Variants in SLC9C1 observed in about 807,000 individuals in gnomAD.
SLC9C1 encodes solute carrier family 9 member C1, also known as sodium/hydrogen exchanger 10.
SLC9C1 carries 97 observed loss-of-function variants against 140.9 expected under a neutral mutation model. The observed-to-expected ratio is 0.69, with a 90% CI of 0.58 to 0.82. The LOEUF is 0.82. SLC9C1 is among the 40% of genes least tolerant of loss of function. The probability of loss-of-function intolerance (pLI) is 0.00; values close to 1 mark genes in which losing one functional copy is unlikely to be tolerated. For missense variants in SLC9C1, 1,340 were observed against 1,389.3 expected (o/e 0.96, Z 0.56); for synonymous variants, 440 against 442.6 (o/e 0.99, Z 0.07).
chr3:112,270,894 T>C (rs1320686685), intron 6 of SLC9C1, among the ~76,000 whole-genome samples: 1 of 152,184 alleles, frequency 6.6e-6, no homozygotes, highest in African/African-American at 2.4e-5. Flanking sequence ...TTTAATCGGG[T>C]TATTTATGTC....
At chr3:112,263,167 A>G in intron 9 of SLC9C1, 69 bp from the exon 10 acceptor site, 1 of 1,313,978 alleles carries the variant, frequency 7.6e-7, no homozygotes, top group Non-Finnish European at 1.0e-6. Context: ...ATGCTACTCT[A>G]TTCTAATCTA....
At chr3:112,174,182 TATA>T (rs1357594770) in intron 23 of SLC9C1, among the ~76,000 whole-genome samples, 1 of 152,248 alleles carries the variant, frequency 6.6e-6, no homozygotes, top group African/African-American at 2.4e-5. Flanking sequence ...GATTCTGGCT[TATA>T]AACCTTTGTC....
intron 2 of SLC9C1, among the ~76,000 whole-genome samples, chr3:112,283,843 C>CAGAA (rs2080428302): frequency 8.9e-6 from 1 of 111,970 alleles, no homozygotes. Flanking sequence ...AATCACTGTG[C>CAGAA]AAAAAAAAAA....
intron 10 of SLC9C1, among the ~76,000 whole-genome samples, chr3:112,253,601 A>G (rs1586875): frequency 0.29 from 44,564 of 152,116 alleles, 6,709 homozygotes; most frequent in East Asian, 0.35. Context: ...CCCAATGAAA[A>G]CATTCAGAAA....
At chr3:112,253,406 A>G (rs1053676708) in intron 10 of SLC9C1, among the ~76,000 whole-genome samples, 1 of 152,156 alleles carries the variant, frequency 6.6e-6, no homozygotes, top group Non-Finnish European at 1.5e-5. Flanking sequence ...CTGCAACTGT[A>G]AGGAAATGTA....
At chr3:112,217,350 TAAC>T in intron 15 of SLC9C1, 89 bp downstream of exon 15, 1 of 1,412,120 alleles carries the variant, frequency 7.1e-7, no homozygotes, top group Non-Finnish European at 9.5e-7. Flanking sequence ...TATAGTATAA[TAAC>T]AAAAAATTCA....
chr3:112,166,748 A>T (rs959771575), intron 26 of SLC9C1, among the ~76,000 whole-genome samples: 6 of 152,076 alleles, frequency 3.9e-5, no homozygotes, highest in Non-Finnish European at 7.4e-5. Context: ...TTATCTCAAA[A>T]GTATTTTTCA....
rs2077189000 is a variant in SLC9C1 at position 112,168,794 on chromosome 3, T to G, written c.3237+83A>C. 4.7e-6 allele frequency: 6 copies of G among 1,279,660 alleles called. No homozygotes were observed. In the Admixed American group the frequency reaches 1.2e-4, roughly 26 times the overall value. The allele number at this position is 1,279,660 out of a possible 1,614,324, so 79.3% of individuals were successfully genotyped here. A position where few individuals can be genotyped will look rare whatever the true frequency, so the allele number is the denominator to read the frequency against. ...AGATTGGAAGATGAAAAGCTTAAGA[T>G]TATAGTGACAGTTTTTCTGACGTTA... On this transcript the variant is annotated intron_variant, in intron 25 of 28. Coordinates refer to ENST00000305815, the MANE Select transcript of SLC9C1 (RefSeq NM_183061.3).
chr3:112,201,068 TA>T (rs11301481), intron 18 of SLC9C1, among the ~76,000 whole-genome samples: 45,889 of 151,976 alleles, frequency 0.3, 7,160 homozygotes, highest in African/African-American at 0.35. Context: ...TGAAACGTTA[TA>T]AAACTTAATT....
intron 13 of SLC9C1, among the ~76,000 whole-genome samples, chr3:112,229,829 TGTTA>T (rs1178002393): frequency 6.6e-6 from 1 of 152,178 alleles, no homozygotes; most frequent in Non-Finnish European, 1.5e-5. Flanking sequence ...CAAAATGTGC[TGTTA>T]GTTGATATTT....
At chr3:112,154,337 T>C (rs1006759738) in intron 27 of SLC9C1, among the ~76,000 whole-genome samples, 1 of 152,100 alleles carries the variant, frequency 6.6e-6, no homozygotes, top group African/African-American at 2.4e-5. Flanking sequence ...TAGGATGATG[T>C]AGATTTGGTG....
chr3:112,193,276 C>T (rs974295721), intron 20 of SLC9C1, among the ~76,000 whole-genome samples: 1 of 152,152 alleles, frequency 6.6e-6, no homozygotes, highest in Non-Finnish European at 1.5e-5. Flanking sequence ...AGCCATGGGT[C>T]TGTTACTCTG....
Position 112,211,764 on chromosome 3 carries a change from G to T in SLC9C1, c.1791-3391C>A, listed in dbSNP as rs144960571. Among the ~76,000 whole-genome samples, 911 of 152,328 alleles carry T rather than the reference G, an allele frequency of 6.0e-3. 5 individuals carry two copies. Among genetic ancestry groups the T allele is most frequent in the African/African-American group, 0.021 (880 of 41,568 alleles). On this transcript the variant is annotated intron_variant, in intron 15 of 28. Coordinates refer to ENST00000305815, the MANE Select transcript of SLC9C1 (RefSeq NM_183061.3). ...TCAAGGAGGCCTGCCTTCCTCTGTA[G>T]ACTCCACCTCTGGGGGCAGGGCATA...
At chr3:112,239,775 T>A (rs749692984) in intron 12 of SLC9C1, 65 bp downstream of exon 12, 110 of 1,349,556 alleles carry the variant, frequency 8.2e-5, no homozygotes, top group Non-Finnish European at 1.1e-4. Flanking sequence ...ATATTTATGA[T>A]CTGATTTATA....
intron 10 of SLC9C1, among the ~76,000 whole-genome samples, chr3:112,255,887 A>G (rs1409070862): frequency 6.6e-6 from 1 of 152,202 alleles, no homozygotes; most frequent in African/African-American, 2.4e-5. Context: ...ATTAAAAATG[A>G]CAAAGTGTAT....
intron 13 of SLC9C1, among the ~76,000 whole-genome samples, chr3:112,223,843 A>C (rs1235322036): frequency 6.6e-6 from 1 of 152,244 alleles, no homozygotes; most frequent in Non-Finnish European, 1.5e-5. Flanking sequence ...AATAAATCAC[A>C]GTCTTTAGCC....
intron 10 of SLC9C1, 49 bp downstream of exon 10, chr3:112,262,875 A>C: frequency 7.1e-7 from 1 of 1,404,284 alleles, no homozygotes. Flanking sequence ...TTAAATACAC[A>C]GTAATAGTTT....
Position 112,208,289 on chromosome 3 carries a change from T to C in SLC9C1, c.1875A>G (p.Ile625Met). The change falls in exon 16 of 29, where the codon ATA (isoleucine) becomes ATG (methionine). Residue 625 changes from isoleucine (I) to methionine (M), a missense_variant. Ile to Met is a conservative substitution (Grantham distance 10). Transcript: ENST00000305815. Reference protein sequence around the residue: ...HVGYLVILMNIFPFIISWISQ... With the variant: ...HVGYLVILMNMFPFIISWISQ... ...ATATCCAAGAGATTATAAAGGGAAA[T>C]ATATTCATTAATATCACAAGGTATC... The C allele has an allele frequency of 3.7e-6, 6 of 1,610,280 alleles. No individual in the cohort carries two copies. Among genetic ancestry groups the C allele is most frequent in the Non-Finnish European group, 5.1e-6 (6 of 1,177,202 alleles).
At chr3:112,178,242 A>C (rs960301619) in intron 23 of SLC9C1, among the ~76,000 whole-genome samples, 1 of 151,740 alleles carries the variant, frequency 6.6e-6, no homozygotes, top group African/African-American at 2.4e-5. Context: ...GAGCTCAAGC[A>C]ATCCTCCCTT....
Sources: allele counts gnomAD v4.1 joint callset (sites outside exome capture counted in the v4.1 genomes callset), GRCh38; gene constraint gnomAD v4.1.1; transcripts MANE v1.5; gene names NCBI Gene and HGNC (gene_info 2026-07-23, HGNC 2026-07-21).